Variants in AADACL4 observed in about 807,000 individuals in gnomAD.
The protein encoded by AADACL4 is arylacetamide deacetylase-like 4.
AADACL4 carries 9 observed loss-of-function variants against 14.1 expected under a neutral mutation model. That is an observed-to-expected ratio of 0.64 (90% confidence interval 0.39 to 1.12). The LOEUF (loss-of-function observed/expected upper bound fraction) is 1.12, where lower values mean the gene tolerates loss of function less well. AADACL4 is among the 50% of genes most tolerant of loss of function. The pLI is 0.01. For missense variants in AADACL4, 531 were observed against 516.1 expected, an observed-to-expected ratio of 1.03 and a Z score of -0.28; for synonymous variants, 188 against 201.6, an observed-to-expected ratio of 0.93 and a Z score of 0.57.
intron 2 of AADACL4, among the ~76,000 whole-genome samples, chr1:12,653,893 A>G (rs1156532802): frequency 1.3e-5 from 2 of 152,210 alleles, no homozygotes; most frequent in Admixed American, 6.5e-5. Context: ...GAGTCCTCTC[A>G]GAGGGACTGC....
At chr1:12,649,457 C>G (rs559942567) in intron 1 of AADACL4, among the ~76,000 whole-genome samples, 1 of 152,176 alleles carries the variant, frequency 6.6e-6, no homozygotes, top group African/African-American at 2.4e-5. Context: ...CATGCTGGTA[C>G]AACATAGAGG....
chr1:12,650,721 T>A lies in AADACL4; in HGVS notation c.169-402T>A, dbSNP rs1647139842. ...CTGATTTTTGTAATTTTAGTAGAGA[T>A]GGGGTTTCACCATGTCGGCCAGAAT... On this transcript the variant is annotated intron_variant, in intron 1 of 3. Coordinates refer to ENST00000376221, the MANE Select transcript of AADACL4 (RefSeq NM_001013630.2). Among the ~76,000 whole-genome samples, 3 of 152,124 alleles carry A rather than the reference T, an allele frequency of 2.0e-5. 1 individual carries two copies. In the South Asian group the frequency reaches 6.2e-4, roughly 32 times the overall value.
rs760528182 is a variant in AADACL4 at position 12,666,292 on chromosome 1, C to A, written c.781C>A (p.Leu261Ile). 11 of 1,614,256 alleles carry A rather than the reference C, an allele frequency of 6.8e-6. No individual in the cohort carries two copies. Among genetic ancestry groups the A allele is most frequent in the Non-Finnish European group, 8.5e-6 (10 of 1,180,054 alleles). ...TCTGTGTAACTATCTGGCCATTGAC[C>A]TCTCCTGGCGTGACGCCATCTTGAA... ...TSLCNYLAID[L>I]SWRDAILNGT... The change falls in exon 4 of 4, where the codon CTC becomes ATC. Residue 261 changes from leucine to isoleucine, a missense_variant. By Grantham distance (5) the Leu-to-Ile change is conservative (BLOSUM62 2). Transcript: ENST00000376221.
At chr1:12,652,245 C>T (rs544313182) in intron 2 of AADACL4, among the ~76,000 whole-genome samples, 13 of 152,292 alleles carry the variant, frequency 8.5e-5, no homozygotes, top group Non-Finnish European at 1.5e-4. Flanking sequence ...CTGTGGTGTC[C>T]TTTACCCGTT....
At chr1:12,662,426 T>C (rs1239701474) in intron 3 of AADACL4, among the ~76,000 whole-genome samples, 1 of 151,994 alleles carries the variant, frequency 6.6e-6, no homozygotes, top group Non-Finnish European at 1.5e-5. Context: ...TTGTTTGGGG[T>C]GATGGTTCTG....
chr1:12,644,464 G>A lies in AADACL4; in HGVS notation c.-83G>A. 1 of 1,487,330 alleles carries A rather than the reference G, an allele frequency of 6.7e-7. No homozygotes were observed. Among genetic ancestry groups the A allele is most frequent in the South Asian group, 1.3e-5 (1 of 78,440 alleles). The allele number at this position is 1,487,330 out of a possible 1,614,324, so 92.1% of individuals were successfully genotyped here. On this transcript the variant is annotated 5_prime_UTR_variant, in exon 1 of 4. Coordinates refer to ENST00000376221, the MANE Select transcript of AADACL4 (RefSeq NM_001013630.2). Reference sequence around the variant, plus strand: ...CAGAGAGAGTGAGGTGGAGGAGGCGGAGGGTGTAACCCAGCCAGGTCCTCT... The same window carrying A: ...CAGAGAGAGTGAGGTGGAGGAGGCGAAGGGTGTAACCCAGCCAGGTCCTCT...
intron 1 of AADACL4, among the ~76,000 whole-genome samples, chr1:12,648,346 A>ATCCTTCCTTCCTTCCTTCCTTCCTTCCT (rs34475360): frequency 1.4e-5 from 2 of 140,502 alleles, no homozygotes; most frequent in African/African-American, 5.7e-5. Context: ...TGGACCTCAG[A>ATCCTTCCTTCCTTCCTTCCTTCCTTCCT]TCCTTCCTTC....
intron 1 of AADACL4, among the ~76,000 whole-genome samples, chr1:12,649,077 T>C (rs899701106): frequency 6.6e-6 from 1 of 152,136 alleles, no homozygotes; most frequent in Non-Finnish European, 1.5e-5. Flanking sequence ...ATCCACACAG[T>C]AAAGCCCCAG....
rs70977483 is a variant in AADACL4, at chr1:12,658,142, T to TCC, written c.386-3649_386-3648insCC. 5.6e-3 allele frequency among the ~76,000 whole-genome samples: 733 copies of TCC among 129,934 alleles called. 6 individuals carry two copies. The highest frequency in any genetic ancestry group is 0.013 in the Admixed American group (184 of 13,798). 85.2% of individuals were successfully genotyped at this position (129,934 alleles called of 152,430 possible). On this transcript the variant is annotated intron_variant, in intron 2 of 3. Coordinates refer to ENST00000376221, the MANE Select transcript of AADACL4 (RefSeq NM_001013630.2). ...TTCCTTCCTTCCTTCCTTCCTTCCT[T>TCC]TCTTTCTTTCTTTCTTTCTTTCTTT...
chr1:12,666,210 A>G lies in AADACL4; in HGVS notation c.699A>G (p.Pro233=). The G allele has an allele frequency of 1.9e-6, 3 of 1,614,250 alleles. No homozygotes were observed. The highest frequency in any genetic ancestry group is 2.5e-6 in the Non-Finnish European group (3 of 1,180,050). The change falls in exon 4 of 4, where the codon CCA becomes CCG. Residue 233 remains proline (P), a synonymous_variant. Coordinates refer to ENST00000376221, the MANE Select transcript of AADACL4 (RefSeq NM_001013630.2). The stretch of plus-strand genomic sequence containing the variant: ...TCCAGGCATTCTGTTTGCAGTTGCC[A>G]TCCTTTCAGCAGAACCAAAATGTCC... ...PVVQAFCLQL[P]SFQQNQNVPL...
At chr1:12,656,817 G>A (rs556585277) in intron 2 of AADACL4, among the ~76,000 whole-genome samples, 2 of 152,226 alleles carry the variant, frequency 1.3e-5, no homozygotes, top group South Asian at 2.1e-4. Flanking sequence ...CATTAGCCTC[G>A]TGTCAGGGAG....
chr1:12,659,601 G>A (rs1647211187), intron 2 of AADACL4, among the ~76,000 whole-genome samples: 2 of 152,214 alleles, frequency 1.3e-5, no homozygotes, highest in South Asian at 4.2e-4. Flanking sequence ...GGACCCAACA[G>A]GGCACAGCAA....
chr1:12,651,392 G>A (rs1478303156), intron 2 of AADACL4, 53 bp downstream of exon 2: 19 of 1,564,622 alleles, frequency 1.2e-5, no homozygotes, highest in Non-Finnish European at 8.8e-7. Flanking sequence ...TGCATGCATA[G>A]CCTAGCTCAT....
At chr1:12,650,875 C>T (rs1308139225) in intron 1 of AADACL4, among the ~76,000 whole-genome samples, 2 of 152,186 alleles carry the variant, frequency 1.3e-5, no homozygotes, top group Non-Finnish European at 2.9e-5. Context: ...CAGTCAGCCC[C>T]AAGCTAGGCT....
intron 2 of AADACL4, among the ~76,000 whole-genome samples, chr1:12,655,364 T>A (rs1647175063): frequency 6.6e-6 from 1 of 152,158 alleles, no homozygotes; most frequent in Admixed American, 6.5e-5. Context: ...TCAGTTGTGA[T>A]GACCATGATT....
chr1:12,650,819 C>T (rs539828783), intron 1 of AADACL4, among the ~76,000 whole-genome samples: 1 of 152,242 alleles, frequency 6.6e-6, no homozygotes, highest in African/African-American at 2.4e-5. Context: ...GCGTGAGCCA[C>T]TGCGCCCGGC....
chr1:12,659,236 C>T (rs1476985602), intron 2 of AADACL4, among the ~76,000 whole-genome samples: 1 of 152,196 alleles, frequency 6.6e-6, no homozygotes, highest in African/African-American at 2.4e-5. Context: ...TTCCTGGCCT[C>T]ATGGACCTGA....
chr1:12,649,347 GC>G (rs1184803365), intron 1 of AADACL4, among the ~76,000 whole-genome samples: 1 of 152,204 alleles, frequency 6.6e-6, no homozygotes, highest in African/African-American at 2.4e-5. Flanking sequence ...CAGTGTGTGG[GC>G]AAACAGGGAA....
chr1:12,649,709 C>G (rs57291116), intron 1 of AADACL4, among the ~76,000 whole-genome samples: 329 of 152,314 alleles, frequency 2.2e-3, no homozygotes, highest in South Asian at 8.3e-3. Context: ...GGGAGACACT[C>G]TATGTAGGTG....
Sources: allele counts gnomAD v4.1 joint callset (sites outside exome capture counted in the v4.1 genomes callset), GRCh38; gene constraint gnomAD v4.1.1; transcripts MANE v1.5; gene names NCBI Gene and HGNC (gene_info 2026-07-23, HGNC 2026-07-21).